The following NHERF1 variants were observed in gnomAD, a reference collection of about 807,000 sequenced individuals.
NHERF1 encodes Na(+)/H(+) exchange regulatory cofactor NHE-RF1.
At chr17:74,767,405 G>A in the NHERF1 span, among the ~76,000 whole-genome samples, 1 of 152,196 alleles carries the variant, frequency 6.6e-6, no homozygotes, top group Non-Finnish European at 1.5e-5. Context: ...GGGAAGAGAT[G>A]GTGGGGCTGG....
At chr17:74,764,631 C>T in the NHERF1 span, among the ~76,000 whole-genome samples, 14 of 152,338 alleles carry the variant, frequency 9.2e-5, no homozygotes, top group African/African-American at 2.9e-4. This position sits in a 1 kb window ranked among gnomAD's most constrained non-coding sequence, Gnocchi z 4.9. Flanking sequence ...GCTTCCCCCA[C>T]CCCTTCACCC....
chr17:74,762,240 A>G, the NHERF1 span: 1 of 1,430,638 alleles, frequency 7.0e-7, no homozygotes, highest in Non-Finnish European at 9.5e-7. The surrounding 1 kb of genome is among the most constrained non-coding windows in gnomAD (Gnocchi z 4.2). Context: ...CACCTGGGGC[A>G]GCCATCATAC....
the NHERF1 span, among the ~76,000 whole-genome samples, chr17:74,751,150 A>C: frequency 1.3e-5 from 2 of 152,120 alleles, no homozygotes. The surrounding 1 kb of genome is among the most constrained non-coding windows in gnomAD (Gnocchi z 4.3). Context: ...TGAGCCCCTT[A>C]CTAAATGCTG....
At chr17:74,751,131 T>G in the NHERF1 span, among the ~76,000 whole-genome samples, 1 of 152,156 alleles carries the variant, frequency 6.6e-6, no homozygotes, top group Non-Finnish European at 1.5e-5. This position sits in a 1 kb window ranked among gnomAD's most constrained non-coding sequence, Gnocchi z 4.3. Flanking sequence ...AGAAATGACG[T>G]GAAGCACTTG....
the NHERF1 span, chr17:74,768,164 C>G: frequency 6.2e-7 from 1 of 1,612,472 alleles, no homozygotes; most frequent in Non-Finnish European, 8.5e-7. Context: ...GTCGTGAAGC[C>G]CTGGCAGAGG....
the NHERF1 span, chr17:74,762,195 C>T: frequency 6.2e-7 from 1 of 1,612,970 alleles, no homozygotes; most frequent in Non-Finnish European, 8.5e-7. The surrounding 1 kb of genome is among the most constrained non-coding windows in gnomAD (Gnocchi z 4.2). Flanking sequence ...CGCTCTCTTC[C>T]TATCTGACTG....
the NHERF1 span, chr17:74,768,545 C>A: frequency 1.9e-6 from 3 of 1,614,072 alleles, no homozygotes; most frequent in African/African-American, 4.0e-5. Flanking sequence ...CCATCCTAGA[C>A]TTCAACATCT....
chr17:74,758,171 C>T, the NHERF1 span, among the ~76,000 whole-genome samples: 2 of 152,224 alleles, frequency 1.3e-5, no homozygotes, highest in Non-Finnish European at 2.9e-5. The surrounding 1 kb of genome is among the most constrained non-coding windows in gnomAD (Gnocchi z 4.3). Context: ...ATTAGGGTAT[C>T]GACTTTCCCC....
chr17:74,762,013 G>A, the NHERF1 span: 20 of 1,613,972 alleles, frequency 1.2e-5, 1 homozygote, highest in South Asian at 6.6e-5. This position sits in a 1 kb window ranked among gnomAD's most constrained non-coding sequence, Gnocchi z 4.2. Flanking sequence ...TCCCTGCAGC[G>A]CGAGCTTCGG....
At chr17:74,749,908 G>GT in the NHERF1 span, among the ~76,000 whole-genome samples, 1 of 152,354 alleles carries the variant, frequency 6.6e-6, no homozygotes, top group Non-Finnish European at 1.5e-5. This position sits in a 1 kb window ranked among gnomAD's most constrained non-coding sequence, Gnocchi z 5.6. Flanking sequence ...TCAGGGCGGT[G>GT]TGGGGGTTGC....
the NHERF1 span, among the ~76,000 whole-genome samples, chr17:74,764,629 C>G: frequency 2.6e-5 from 4 of 152,216 alleles, no homozygotes; most frequent in African/African-American, 7.2e-5. The surrounding 1 kb of genome is among the most constrained non-coding windows in gnomAD (Gnocchi z 4.9). Context: ...CTGCTTCCCC[C>G]ACCCCTTCAC....
chr17:74,761,569 G>T, the NHERF1 span, among the ~76,000 whole-genome samples: 12 of 152,072 alleles, frequency 7.9e-5, no homozygotes, highest in Non-Finnish European at 1.6e-4. The surrounding 1 kb of genome is among the most constrained non-coding windows in gnomAD (Gnocchi z 4.3). Context: ...GGGGCTGGGG[G>T]TCCTCAGTCA....
chr17:74,762,224 C>A, the NHERF1 span: 1 of 1,594,280 alleles, frequency 6.3e-7, no homozygotes, highest in South Asian at 1.1e-5. The surrounding 1 kb of genome is among the most constrained non-coding windows in gnomAD (Gnocchi z 4.2). Flanking sequence ...CCCTGCAGAT[C>A]AGCAGCACCT....
chr17:74,752,867 T>C, the NHERF1 span, among the ~76,000 whole-genome samples: 1 of 152,230 alleles, frequency 6.6e-6, no homozygotes, highest in African/African-American at 2.4e-5. Flanking sequence ...CTGTGGCCTA[T>C]TTGTGTTTCT....
At chr17:74,758,454 C>G in the NHERF1 span, among the ~76,000 whole-genome samples, 1 of 152,186 alleles carries the variant, frequency 6.6e-6, no homozygotes, top group Non-Finnish European at 1.5e-5. This position sits in a 1 kb window ranked among gnomAD's most constrained non-coding sequence, Gnocchi z 4.3. Flanking sequence ...TCACCCCGGC[C>G]CAGCTGCGCT....
At chr17:74,769,191 AC>A in the NHERF1 span, 2 of 155,650 alleles carry the variant, frequency 1.3e-5, no homozygotes, top group Non-Finnish European at 2.8e-5. Context: ...CCTGGTTGTT[AC>A]ATCCAGGGCA....
At chr17:74,768,492 A>C in the NHERF1 span, 14 of 1,613,812 alleles carry the variant, frequency 8.7e-6, no homozygotes, top group Non-Finnish European at 1.2e-5. Context: ...CAGCCCCCCA[A>C]AACAGGACTC....
chr17:74,766,977 G>A, the NHERF1 span: 2 of 1,613,830 alleles, frequency 1.2e-6, no homozygotes, highest in South Asian at 1.1e-5. Flanking sequence ...GATACAGAAG[G>A]TAAGGGCGGG....
At chr17:74,753,752 TG>T in the NHERF1 span, among the ~76,000 whole-genome samples, 1 of 142,588 alleles carries the variant, frequency 7.0e-6, no homozygotes, top group African/African-American at 2.6e-5. Context: ...GGGGGGTGAA[TG>T]GGGGCTTCCT....
Sources: allele counts gnomAD v4.1 joint callset (sites outside exome capture counted in the v4.1 genomes callset), GRCh38; gene constraint gnomAD v4.1.1; non-coding constraint Gnocchi (gnomAD v3.1); transcripts MANE v1.5; gene names NCBI Gene and HGNC (gene_info 2026-07-23, HGNC 2026-07-21).